The following LRRC7 variants were observed in gnomAD, a reference collection of about 807,000 sequenced individuals.
LRRC7 encodes the protein leucine-rich repeat-containing protein 7.
Under a neutral mutation model 175.7 loss-of-function variants are expected in LRRC7, and 23 were observed. The ratio of observed to expected loss-of-function variants is 0.13; its 90% CI spans 0.09 to 0.19. LRRC7 has a LOEUF of 0.19. Among genes scored for constraint, LRRC7 ranks in the 10% least tolerant of loss-of-function variants. The probability of loss-of-function intolerance (pLI) is 1.00; values close to 1 mark genes in which losing one functional copy is unlikely to be tolerated. For synonymous variants in LRRC7, 685 were observed against 680.9 expected, an observed-to-expected ratio of 1.01 and a Z score of -0.09; for missense variants, 1,354 against 1,904.7, an observed-to-expected ratio of 0.71 and a Z score of 5.38.
chr1:69,950,853 A>G (rs1423168276), intron 8 of LRRC7, among the ~76,000 whole-genome samples: 1 of 152,148 alleles, frequency 6.6e-6, no homozygotes, highest in African/African-American at 2.4e-5. Context: ...TTTTAGTTGT[A>G]ATCTGGATGC....
intron 25 of LRRC7, among the ~76,000 whole-genome samples, chr1:70,096,126 C>T (rs1450494552): frequency 1.3e-5 from 2 of 151,960 alleles, no homozygotes; most frequent in Admixed American, 6.6e-5. Context: ...TACAGGCACC[C>T]GCCACCACGC....
chr1:69,809,510 G>T (rs1011568926), intron 4 of LRRC7, among the ~76,000 whole-genome samples: 1 of 151,988 alleles, frequency 6.6e-6, no homozygotes, highest in Non-Finnish European at 1.5e-5. Flanking sequence ...GGTGAACATC[G>T]ATGCAAAAAT....
intron 22 of LRRC7, among the ~76,000 whole-genome samples, chr1:70,052,116 T>C (rs1340636121): frequency 6.6e-6 from 1 of 151,884 alleles, no homozygotes; most frequent in Admixed American, 6.6e-5. Context: ...ACAGAAGAAT[T>C]CCCTCAGGAA....
chr1:69,811,148 A>G (rs1317165344), intron 4 of LRRC7, among the ~76,000 whole-genome samples: 2 of 152,212 alleles, frequency 1.3e-5, no homozygotes, highest in Non-Finnish European at 2.9e-5. Context: ...ACATTTATGC[A>G]GCCAACAAAC....
chr1:69,641,975 T>C (rs1464853000), intron 1 of LRRC7, among the ~76,000 whole-genome samples: 2 of 151,882 alleles, frequency 1.3e-5, no homozygotes, highest in African/African-American at 2.4e-5. Flanking sequence ...AAGCTAGCTG[T>C]TAGAGCTTCA....
In LRRC7 at chr1:69,825,711, G is replaced by T. The variant is rs1421763563; in HGVS notation, c.422-37G>T. Reference sequence around the variant, plus strand: ...ACTATAGTTTAAAGAATATTTGTTGGAACATTTTCATGTACTTTGTTTTTT... The same window carrying T: ...ACTATAGTTTAAAGAATATTTGTTGTAACATTTTCATGTACTTTGTTTTTT... On this transcript the variant is annotated intron_variant, in intron 4 of 26. Transcript: ENST00000651989. The T allele has an allele frequency of 3.7e-6, 5 of 1,353,950 alleles. No individual in the cohort carries two copies. The African/African-American group carries it at 7.3e-5, about 20-fold the overall frequency. The allele number at this position is 1,353,950 out of a possible 1,614,324, so 83.9% of individuals were successfully genotyped here.
Position 69,996,328 on chromosome 1 carries a change from G to A in LRRC7, c.1004+1695G>A, listed in dbSNP as rs1337204185. Among the ~76,000 whole-genome samples, 5 of 152,050 alleles carry A rather than the reference G, an allele frequency of 3.3e-5. No homozygotes were observed. In the South Asian group the frequency reaches 8.3e-4, roughly 25 times the overall value. ...GTCCTTTGTCAGATGAGTAGGTTGCGAAAATTTTCTCCCATTTTGTAGGTT... is the reference window on the plus strand; with the variant it reads ...GTCCTTTGTCAGATGAGTAGGTTGCAAAAATTTTCTCCCATTTTGTAGGTT... On this transcript the variant is annotated intron_variant, in intron 11 of 26. Coordinates refer to ENST00000651989, the MANE Select transcript of LRRC7 (RefSeq NM_001370785.2).
At chr1:70,096,017 G>A (rs1240315403) in intron 25 of LRRC7, among the ~76,000 whole-genome samples, 2 of 151,346 alleles carry the variant, frequency 1.3e-5, no homozygotes, top group Non-Finnish European at 2.9e-5. Flanking sequence ...GGCTCTTGTC[G>A]CCCAGGCTGG....
intron 2 of LRRC7, among the ~76,000 whole-genome samples, chr1:69,692,364 G>C (rs1189850249): frequency 6.6e-6 from 1 of 152,174 alleles, no homozygotes; most frequent in Non-Finnish European, 1.5e-5. Flanking sequence ...ACAGAAAATA[G>C]ATGAGTGCAT....
chr1:69,663,116 TA>T (rs1202768482), intron 1 of LRRC7, among the ~76,000 whole-genome samples: 2 of 152,164 alleles, frequency 1.3e-5, no homozygotes, highest in African/African-American at 4.8e-5. Flanking sequence ...TCTTTTTCCA[TA>T]AGAATGGTTA....
intron 23 of LRRC7, among the ~76,000 whole-genome samples, chr1:70,065,035 G>T (rs1279377903): frequency 6.6e-6 from 1 of 151,758 alleles, no homozygotes; most frequent in African/African-American, 2.4e-5. Flanking sequence ...AACCCTTCTT[G>T]GTTGATGCTG....
intron 4 of LRRC7, among the ~76,000 whole-genome samples, chr1:69,796,186 T>C (rs1675742788): frequency 6.9e-6 from 1 of 144,794 alleles, no homozygotes; most frequent in South Asian, 2.3e-4. Context: ...TTCTCATTGT[T>C]CAATTCCCAC....
chr1:69,644,391 T>G (rs977463485), intron 1 of LRRC7, among the ~76,000 whole-genome samples: 2 of 152,082 alleles, frequency 1.3e-5, no homozygotes, highest in African/African-American at 4.8e-5. Flanking sequence ...TTATCCTGTT[T>G]ATCATTATCA....
At chr1:69,662,195 G>A (rs1209282292) in intron 1 of LRRC7, among the ~76,000 whole-genome samples, 2 of 152,144 alleles carry the variant, frequency 1.3e-5, no homozygotes, top group Non-Finnish European at 2.9e-5. Context: ...TATATGTAAA[G>A]ATGCTCTATA....
rs184822845 is a variant in LRRC7, at chr1:69,919,344, G to C, written c.648-12163G>C. On this transcript the variant is annotated intron_variant, in intron 7 of 26. Coordinates refer to ENST00000651989, the MANE Select transcript of LRRC7 (RefSeq NM_001370785.2). Reference sequence around the variant, plus strand: ...AAACTTTATTTACAAAAACAAGAGCGTGAGGAGGAAAGATGGCGGACGAGG... The same window carrying C: ...AAACTTTATTTACAAAAACAAGAGCCTGAGGAGGAAAGATGGCGGACGAGG... The C allele has an allele frequency of 1.5e-3, 876 of 599,072 alleles. 2 individuals are homozygous for C. The highest frequency in any genetic ancestry group is 8.5e-3 in the Middle Eastern group (19 of 2,242). The allele number at this position is 599,072 out of a possible 1,614,324, so 37.1% of individuals were successfully genotyped here. A position where few individuals can be genotyped will look rare whatever the true frequency, so the allele number is the denominator to read the frequency against.
intron 2 of LRRC7, among the ~76,000 whole-genome samples, chr1:69,753,071 GAT>G (rs1670014297): frequency 6.6e-6 from 1 of 151,982 alleles, no homozygotes; most frequent in Non-Finnish European, 1.5e-5. Context: ...GGAAAATGTG[GAT>G]ATGTACTTCC....
chr1:69,691,705 G>T (rs947962202), intron 2 of LRRC7, among the ~76,000 whole-genome samples: 1 of 151,470 alleles, frequency 6.6e-6, no homozygotes, highest in South Asian at 2.1e-4. Flanking sequence ...GGCTGAGGTG[G>T]GAGGATTGCT....
At chr1:70,102,175 A>G (rs1421655850) in intron 25 of LRRC7, among the ~76,000 whole-genome samples, 1 of 152,188 alleles carries the variant, frequency 6.6e-6, no homozygotes, top group Non-Finnish European at 1.5e-5. Context: ...GTAGTCCCTG[A>G]AAGTTAATAA....
chr1:69,990,983 C>A (rs1175739801), intron 10 of LRRC7, among the ~76,000 whole-genome samples: 2 of 151,954 alleles, frequency 1.3e-5, no homozygotes, highest in Non-Finnish European at 2.9e-5. Context: ...AGCAAGTTCC[C>A]AATTCTACAA....
Sources: allele counts gnomAD v4.1 joint callset (sites outside exome capture counted in the v4.1 genomes callset), GRCh38; gene constraint gnomAD v4.1.1; transcripts MANE v1.5; gene names NCBI Gene and HGNC (gene_info 2026-07-23, HGNC 2026-07-21).